Variants in MAN1A2 observed in about 807,000 individuals in gnomAD.
MAN1A2 encodes mannosyl-oligosaccharide 1,2-alpha-mannosidase IB.
Under a neutral mutation model 75.7 loss-of-function variants are expected in MAN1A2, and 26 were observed. The ratio of observed to expected loss-of-function variants is 0.34; its 90% CI spans 0.25 to 0.48. The LOEUF (loss-of-function observed/expected upper bound fraction) is 0.48, where lower values mean the gene tolerates loss of function less well. Ranked by LOEUF, MAN1A2 falls within the 20% of genes least tolerant of loss-of-function variation. MAN1A2 has a pLI of 0.99. For synonymous variants in MAN1A2, 247 were observed against 264.6 expected, an observed-to-expected ratio of 0.93 and a Z score of 0.65; for missense variants, 562 against 775.5, an observed-to-expected ratio of 0.72 and a Z score of 3.27.
intron 5 of MAN1A2, among the ~76,000 whole-genome samples, chr1:117,423,317 GA>G (rs1648257379): frequency 6.6e-6 from 1 of 152,116 alleles, no homozygotes; most frequent in Non-Finnish European, 1.5e-5. Context: ...CAGGTTGTGT[GA>G]GTCCTCCAAC....
intron 8 of MAN1A2, among the ~76,000 whole-genome samples, chr1:117,483,314 A>T (rs561440442): frequency 6.6e-6 from 1 of 152,198 alleles, no homozygotes; most frequent in South Asian, 2.1e-4. Flanking sequence ...CATTGAATCT[A>T]TAAATTACTT....
intron 3 of MAN1A2, among the ~76,000 whole-genome samples, chr1:117,408,912 T>C (rs958933931): frequency 6.6e-6 from 1 of 152,152 alleles, no homozygotes; most frequent in African/African-American, 2.4e-5. Flanking sequence ...ATCTAAGTTA[T>C]TGATTTTATA....
intron 1 of MAN1A2, among the ~76,000 whole-genome samples, chr1:117,396,317 C>T (rs1190473152): frequency 6.6e-6 from 1 of 152,188 alleles, no homozygotes; most frequent in Non-Finnish European, 1.5e-5. Context: ...GACACATTAC[C>T]TCCCAGAAGC....
intron 1 of MAN1A2, among the ~76,000 whole-genome samples, chr1:117,381,344 C>T (rs1653327190): frequency 6.6e-6 from 1 of 152,024 alleles, no homozygotes; most frequent in Admixed American, 6.5e-5. Context: ...CCTCCCCCAA[C>T]CCCACAACAG....
At chr1:117,375,974 C>T (rs1171803782) in intron 1 of MAN1A2, among the ~76,000 whole-genome samples, 2 of 149,912 alleles carry the variant, frequency 1.3e-5, no homozygotes, top group Non-Finnish European at 3.0e-5. Context: ...TGCAGTGGCG[C>T]GATCTCGGCT....
chr1:117,447,267 A>G (rs1649265567), intron 6 of MAN1A2, among the ~76,000 whole-genome samples: 1 of 152,198 alleles, frequency 6.6e-6, no homozygotes, highest in African/African-American at 2.4e-5. Flanking sequence ...ATTATTCTGT[A>G]TCAACACTTT....
chr1:117,372,353 TAGAA>T (rs759447066), intron 1 of MAN1A2, among the ~76,000 whole-genome samples: 4 of 152,080 alleles, frequency 2.6e-5, no homozygotes, highest in Non-Finnish European at 5.9e-5. Context: ...GGGGCCAAAA[TAGAA>T]AGAAAAGTGA....
intron 1 of MAN1A2, among the ~76,000 whole-genome samples, chr1:117,392,522 T>G (rs776606123): frequency 1.3e-5 from 2 of 152,112 alleles, no homozygotes; most frequent in Non-Finnish European, 2.9e-5. Flanking sequence ...TTACTTTGTT[T>G]ATGTATTCAT....
At chr1:117,483,551 G>A (rs796571712) in intron 8 of MAN1A2, among the ~76,000 whole-genome samples, 10 of 152,148 alleles carry the variant, frequency 6.6e-5, no homozygotes, top group African/African-American at 2.2e-4. Context: ...GTCTGTTAGT[G>A]GTGTACAGAA....
chr1:117,519,157 C>A (rs892960328), intron 12 of MAN1A2, among the ~76,000 whole-genome samples: 2 of 151,854 alleles, frequency 1.3e-5, no homozygotes, highest in Admixed American at 1.3e-4. Context: ...GTGACACAAC[C>A]TATCAAAACC....
At chr1:117,396,080 G>A (rs184248080) in intron 1 of MAN1A2, among the ~76,000 whole-genome samples, 15 of 152,248 alleles carry the variant, frequency 9.9e-5, no homozygotes, top group Non-Finnish European at 1.9e-4. Flanking sequence ...AGTTTTATGG[G>A]GCTTCATTAT....
intron 12 of MAN1A2, among the ~76,000 whole-genome samples, chr1:117,516,210 T>G (rs1172632819): frequency 6.6e-6 from 1 of 152,132 alleles, no homozygotes; most frequent in East Asian, 1.9e-4. Flanking sequence ...ATATTCCAGG[T>G]AAACAAATAT....
At chr1:117,505,488 T>G (rs908339720) in intron 12 of MAN1A2, among the ~76,000 whole-genome samples, 9 of 151,098 alleles carry the variant, frequency 6.0e-5, no homozygotes, top group Non-Finnish European at 7.4e-5. Context: ...TCTATATATA[T>G]ATAGATAGAT....
At chr1:117,491,183 A>G (rs1022014023) in intron 8 of MAN1A2, among the ~76,000 whole-genome samples, 1 of 152,070 alleles carries the variant, frequency 6.6e-6, no homozygotes, top group Non-Finnish European at 1.5e-5. Context: ...ATGTAGATGG[A>G]ACAGGTTTCT....
intron 8 of MAN1A2, among the ~76,000 whole-genome samples, chr1:117,480,732 T>C (rs1180290451): frequency 6.6e-6 from 1 of 151,852 alleles, no homozygotes; most frequent in Non-Finnish European, 1.5e-5. Context: ...TCTAACAACA[T>C]CTAGACTTAA....
intron 5 of MAN1A2, among the ~76,000 whole-genome samples, chr1:117,422,271 T>G (rs1468980522): frequency 3.9e-5 from 6 of 152,240 alleles, no homozygotes; most frequent in South Asian, 4.1e-4. Context: ...GAATGCTGGC[T>G]TCTTTTACTT....
intron 1 of MAN1A2, among the ~76,000 whole-genome samples, chr1:117,396,386 A>T (rs1653905165): frequency 6.6e-6 from 1 of 152,242 alleles, no homozygotes; most frequent in African/African-American, 2.4e-5. Flanking sequence ...ACACAGGAAG[A>T]TACAAGACAC....
intron 8 of MAN1A2, among the ~76,000 whole-genome samples, chr1:117,488,164 T>C (rs1160693596): frequency 2.0e-5 from 3 of 152,008 alleles, no homozygotes; most frequent in Non-Finnish European, 4.4e-5. Context: ...CTTTTAGATA[T>C]TTAGATGGAA....
intron 6 of MAN1A2, among the ~76,000 whole-genome samples, chr1:117,459,667 G>A (rs549130953): frequency 2.0e-5 from 3 of 151,960 alleles, no homozygotes; most frequent in East Asian, 1.9e-4. Flanking sequence ...TTACTAGACA[G>A]ATTAAAAAAA....
Sources: allele counts gnomAD v4.1 joint callset (sites outside exome capture counted in the v4.1 genomes callset), GRCh38; gene constraint gnomAD v4.1.1; transcripts MANE v1.5; gene names NCBI Gene and HGNC (gene_info 2026-07-23, HGNC 2026-07-21).